The following DOCK4 variants were observed in gnomAD, a reference collection of about 807,000 sequenced individuals.
DOCK4 encodes dedicator of cytokinesis 4, also known as dedicator of cytokinesis protein 4.
A neutral mutation model predicts 268.1 loss-of-function variants in DOCK4; 97 were observed. That is an observed-to-expected ratio of 0.36 (90% CI 0.31 to 0.43). DOCK4 has a LOEUF of 0.43. DOCK4 is among the 20% of genes least tolerant of loss of function. The probability of loss-of-function intolerance (pLI) is 1.00; values close to 1 mark genes in which losing one functional copy is unlikely to be tolerated. For missense variants in DOCK4, 2,145 were observed against 2,455.7 expected (o/e 0.87, Z 2.67); for synonymous variants, 954 against 887.2 (o/e 1.08, Z -1.34).
chr7:111,943,700 A>G (rs1293013530), intron 10 of DOCK4, among the ~76,000 whole-genome samples: 1 of 152,244 alleles, frequency 6.6e-6, no homozygotes, highest in African/African-American at 2.4e-5. Flanking sequence ...AAAAAGAAAA[A>G]TGAAAACAAA....
chr7:112,048,048 A>G (rs1267626995), intron 1 of DOCK4, among the ~76,000 whole-genome samples: 3 of 152,144 alleles, frequency 2.0e-5, no homozygotes, highest in African/African-American at 4.8e-5. Flanking sequence ...CTCGTGGCCT[A>G]TTATGTGAGT....
Position 111,834,634 on chromosome 7 carries a change from T to C in DOCK4, c.2789A>G (p.His930Arg). 1 of 1,558,894 alleles carries C rather than the reference T, an allele frequency of 6.4e-7. No individual in the cohort carries two copies. The highest frequency in any genetic ancestry group is 1.9e-5 in the Admixed American group (1 of 52,264). ...AAAACTATCAAGAAGCTGTTGATAA[T>C]GTCTATCTGTCATTTGTCGTAATAG... ...LSLLRQMTDR[H>R]YQQLLDSFNT... Residue 930 changes from histidine to arginine, a missense_variant, in exon 26 of 53, where the codon CAT becomes CGT. Around this residue, in one of 2 missense-constraint regions of DOCK4, gnomAD observed 1,598 missense variants for 1,986.7 expected, o/e 0.80. Coordinates refer to ENST00000428084, the MANE Select transcript of DOCK4 (RefSeq NM_001363540.2).
chr7:112,139,052 C>T (rs1814638676), intron 1 of DOCK4, among the ~76,000 whole-genome samples: 1 of 152,094 alleles, frequency 6.6e-6, no homozygotes, highest in Admixed American at 6.5e-5. Flanking sequence ...TTTTTAAGCC[C>T]CCAAGTCTGT....
At chr7:112,203,383 T>A (rs115165345) in intron 1 of DOCK4, among the ~76,000 whole-genome samples, 3 of 152,214 alleles carry the variant, frequency 2.0e-5, no homozygotes, top group Non-Finnish European at 4.4e-5. Flanking sequence ...ACGGTGCCTA[T>A]ACATCAGTTA....
In DOCK4 at chr7:111,901,695, A is replaced by G. The variant is rs1419905380; in HGVS notation, c.1299T>C (p.Ser433=). Residue 433 remains serine (S), a synonymous_variant, in exon 14 of 53, where the codon AGT becomes AGC. Coordinates refer to ENST00000428084, the MANE Select transcript of DOCK4 (RefSeq NM_001363540.2). ...NVEVTMFIVD[S]SGQTLKDFIS... ...AACATACCTTCAGGGTTTGGCCACT[A>G]CTGTCTACAATGAACATCGTAACTT... is the stretch of plus-strand genomic sequence containing the variant. 1.9e-6 allele frequency: 3 copies of G among 1,613,686 alleles called. No homozygotes were observed. The highest frequency in any genetic ancestry group is 2.2e-5 in the East Asian group (1 of 44,866).
intron 1 of DOCK4, among the ~76,000 whole-genome samples, chr7:112,133,730 C>G (rs533917082): frequency 3.3e-5 from 5 of 152,128 alleles, no homozygotes; most frequent in Admixed American, 2.0e-4. Context: ...AAAAAAAATA[C>G]GTAAATAGAA....
intron 29 of DOCK4, 46 bp from the exon 30 acceptor site, chr7:111,808,925 A>T (rs1189462280): frequency 1.3e-6 from 2 of 1,584,342 alleles, no homozygotes; most frequent in African/African-American, 1.3e-5. Context: ...CCTCCAGAAC[A>T]AGGAAGTATT....
At chr7:111,901,332 CAAAAAAAAAAA>C (rs398047987) in intron 14 of DOCK4, among the ~76,000 whole-genome samples, 3 of 75,242 alleles carry the variant, frequency 4.0e-5, no homozygotes, top group African/African-American at 9.7e-5. Flanking sequence ...GATTCTGTCT[CAAAAAAAAAAA>C]AAAAAAAAAA....
intron 1 of DOCK4, among the ~76,000 whole-genome samples, chr7:112,132,220 G>T (rs1813874180): frequency 6.6e-6 from 1 of 152,090 alleles, no homozygotes; most frequent in African/African-American, 2.4e-5. Context: ...TTTCTCTGTG[G>T]TTGCTTAGTC....
At chr7:111,951,010 C>T (rs1796008642) in intron 8 of DOCK4, among the ~76,000 whole-genome samples, 1 of 152,144 alleles carries the variant, frequency 6.6e-6, no homozygotes, top group African/African-American at 2.4e-5. Context: ...CTGCCATGTT[C>T]TTCCAGAGGC....
intron 1 of DOCK4, among the ~76,000 whole-genome samples, chr7:112,205,819 T>C (rs1199502021): frequency 6.6e-5 from 10 of 150,392 alleles, no homozygotes; most frequent in African/African-American, 2.5e-4. Context: ...CACTCCAAAC[T>C]CCGCAGGCAG....
intron 1 of DOCK4, among the ~76,000 whole-genome samples, chr7:112,089,672 C>G (rs1809444069): frequency 1.3e-5 from 2 of 152,000 alleles, no homozygotes; most frequent in South Asian, 4.1e-4. Context: ...CCTTATTGTT[C>G]TGATGATAGT....
intron 13 of DOCK4, among the ~76,000 whole-genome samples, chr7:111,902,865 G>C (rs1043064938): frequency 4.3e-4 from 65 of 152,152 alleles, no homozygotes; most frequent in African/African-American, 1.5e-3. Flanking sequence ...CGCCTCCCAG[G>C]TTCCCACCAT....
intron 8 of DOCK4, among the ~76,000 whole-genome samples, chr7:111,961,728 G>C (rs1352540185): frequency 6.6e-6 from 1 of 152,142 alleles, no homozygotes; most frequent in African/African-American, 2.4e-5. Context: ...AGACCATTAA[G>C]AAAACATTCC....
At chr7:111,963,443 G>A (rs2135006161) in intron 8 of DOCK4, among the ~76,000 whole-genome samples, 1 of 117,366 alleles carries the variant, frequency 8.5e-6, no homozygotes. Context: ...AGAAAGGGGT[G>A]ACTGACGCAC....
intron 1 of DOCK4, among the ~76,000 whole-genome samples, chr7:112,027,498 T>C (rs2135441039): frequency 6.6e-6 from 1 of 152,366 alleles, no homozygotes; most frequent in East Asian, 1.9e-4. Flanking sequence ...GTGCTGGGAT[T>C]ACAGGCATGA....
chr7:112,050,431 T>C (rs1212199677), intron 1 of DOCK4, among the ~76,000 whole-genome samples: 1 of 152,174 alleles, frequency 6.6e-6, no homozygotes, highest in Non-Finnish European at 1.5e-5. Flanking sequence ...ACAACCTTTT[T>C]AGTATGCTGT....
intron 1 of DOCK4, among the ~76,000 whole-genome samples, chr7:112,052,494 T>C (rs1805456738): frequency 6.6e-6 from 1 of 152,140 alleles, no homozygotes; most frequent in Non-Finnish European, 1.5e-5. Context: ...GTATTACAGA[T>C]TTCTATTCTA....
intron 12 of DOCK4, among the ~76,000 whole-genome samples, chr7:111,917,074 G>A (rs887535501): frequency 3.0e-5 from 4 of 134,480 alleles, no homozygotes; most frequent in Admixed American, 8.5e-5. Flanking sequence ...TGCAACCTCC[G>A]CCTCCCGGGT....
Sources: allele counts gnomAD v4.1 joint callset (sites outside exome capture counted in the v4.1 genomes callset), GRCh38; gene constraint gnomAD v4.1.1; regional missense constraint gnomAD v4.1.1; transcripts MANE v1.5; gene names NCBI Gene and HGNC (gene_info 2026-07-23, HGNC 2026-07-21).